The following ARSB variants were observed in gnomAD, a reference collection of about 807,000 sequenced individuals.
The protein encoded by ARSB is arylsulfatase B.
A neutral mutation model predicts 50.9 loss-of-function variants in ARSB; 41 were observed. That is an observed-to-expected ratio of 0.81 (90% CI 0.63 to 1.04). The LOEUF is 1.04. ARSB is among the 50% of genes least tolerant of loss of function. The probability of loss-of-function intolerance (pLI) is 0.00; values close to 1 mark genes in which losing one functional copy is unlikely to be tolerated. For synonymous variants in ARSB, 269 were observed against 284.8 expected (o/e 0.94, Z 0.56); for missense variants, 672 against 693.3 (o/e 0.97, Z 0.35).
chr5:78,964,994 G>A (rs1327840835), intron 2 of ARSB, among the ~76,000 whole-genome samples: 12 of 152,166 alleles, frequency 7.9e-5, no homozygotes, highest in Non-Finnish European at 1.5e-4. Context: ...ATAAATGAGT[G>A]CAGGATTCAA....
intron 5 of ARSB, among the ~76,000 whole-genome samples, chr5:78,869,955 G>A (rs1249191453): frequency 6.6e-6 from 1 of 150,966 alleles, no homozygotes. Flanking sequence ...GAATCAAATA[G>A]ACACAATAAA....
intron 6 of ARSB, among the ~76,000 whole-genome samples, chr5:78,831,955 G>GA (rs1403924701): frequency 6.6e-6 from 1 of 151,946 alleles, no homozygotes; most frequent in African/African-American, 2.4e-5. Context: ...GATTCTAATC[G>GA]AATCAGCTGA....
At chr5:78,917,409 A>C (rs1298924943) in intron 4 of ARSB, among the ~76,000 whole-genome samples, 2 of 152,162 alleles carry the variant, frequency 1.3e-5, no homozygotes, top group Non-Finnish European at 2.9e-5. Flanking sequence ...ATCTGATAGG[A>C]TACATGCCCA....
chr5:78,857,676 G>A (rs113367641), intron 5 of ARSB, among the ~76,000 whole-genome samples: 6,176 of 152,210 alleles, frequency 0.041, 176 homozygotes, highest in Non-Finnish European at 0.062. Flanking sequence ...GATTGCCACC[G>A]TACAATGTTT....
intron 5 of ARSB, among the ~76,000 whole-genome samples, chr5:78,844,446 T>C (rs1368099901): frequency 6.6e-6 from 1 of 152,200 alleles, no homozygotes; most frequent in Non-Finnish European, 1.5e-5. Context: ...TGCAAGTCCC[T>C]TATCTGATAC....
Position 78,971,882 on chromosome 5 carries a change from G to A in ARSB, c.313-2690C>T, listed in dbSNP as rs77970038. On this transcript the variant is annotated intron_variant, in intron 1 of 7. Coordinates refer to ENST00000264914, the MANE Select transcript of ARSB (RefSeq NM_000046.5). ...TTGAAGTGTGTACAGTTCATTGTAT[G>A]TCAATCATATCTCAATAAAACTGTT... 1.3e-3 allele frequency among the ~76,000 whole-genome samples: 201 copies of A among 152,322 alleles called. 4 individuals are homozygous for A. The East Asian group carries it at 0.029, about 22-fold the overall frequency.
At chr5:78,969,838 C>T (rs547170) in intron 1 of ARSB, among the ~76,000 whole-genome samples, 34,957 of 152,062 alleles carry the variant, frequency 0.23, 4,251 homozygotes, top group Admixed American at 0.3. Context: ...AGGCTGGTCT[C>T]GAACTCCTGA....
At chr5:78,940,785 A>C (rs1259387804) in intron 4 of ARSB, among the ~76,000 whole-genome samples, 1 of 152,150 alleles carries the variant, frequency 6.6e-6, no homozygotes, top group Non-Finnish European at 1.5e-5. Flanking sequence ...TTGGTTCCAT[A>C]TGAACTTTAA....
chr5:78,834,605 G>GTATATATATA (rs1339499167), intron 6 of ARSB, among the ~76,000 whole-genome samples: 1 of 65,262 alleles, frequency 1.5e-5, no homozygotes, highest in African/African-American at 6.0e-5. Flanking sequence ...GTATATATAT[G>GTATATATATA]TGTATATATA....
At chr5:78,947,791 C>CA (rs1384779816) in intron 4 of ARSB, among the ~76,000 whole-genome samples, 1 of 152,088 alleles carries the variant, frequency 6.6e-6, no homozygotes, top group Non-Finnish European at 1.5e-5. Flanking sequence ...AGTATATACC[C>CA]AAAAGAAAGA....
chr5:78,885,932 A>T (rs1748014632), intron 4 of ARSB, 105 bp from the exon 5 acceptor site: 5 of 1,565,044 alleles, frequency 3.2e-6, no homozygotes, highest in South Asian at 1.1e-5. Flanking sequence ...TAAATAATAA[A>T]AAAAAAGAAA....
chr5:78,908,716 C>T (rs1749174469), intron 4 of ARSB, among the ~76,000 whole-genome samples: 1 of 146,372 alleles, frequency 6.8e-6, no homozygotes, highest in Admixed American at 7.0e-5. Context: ...CATTTCTCTA[C>T]AACACTGGCC....
chr5:78,953,363 G>C (rs1240257773), intron 4 of ARSB, among the ~76,000 whole-genome samples: 2 of 152,214 alleles, frequency 1.3e-5, no homozygotes, highest in Non-Finnish European at 2.9e-5. Flanking sequence ...CCTGGGGCAA[G>C]TTACTTATGC....
rs931709744 is a variant in ARSB at position 78,905,490 on chromosome 5, A to G, written c.899-19663T>C. On this transcript the variant is annotated intron_variant, in intron 4 of 7. Transcript: ENST00000264914. ...GCAGAGAATCAACCTAGTGAGACTC[A>G]GACCACAAGTTTTGTCTCACCTTCT... 2.6e-5 allele frequency among the ~76,000 whole-genome samples: 4 copies of G among 152,186 alleles called. No homozygotes were observed. The East Asian group carries it at 7.7e-4, about 29-fold the overall frequency.
intron 6 of ARSB, among the ~76,000 whole-genome samples, chr5:78,794,081 A>C (rs1580974814): frequency 6.6e-6 from 1 of 152,278 alleles, no homozygotes; most frequent in East Asian, 1.9e-4. Flanking sequence ...TTGAGCATAA[A>C]CATTTCTTTA....
intron 5 of ARSB, among the ~76,000 whole-genome samples, chr5:78,851,645 A>T (rs1262415960): frequency 6.6e-6 from 1 of 152,062 alleles, no homozygotes; most frequent in African/African-American, 2.4e-5. Context: ...GATCTGTTTA[A>T]TGTTGATAGT....
At chr5:78,796,469 G>T (rs1580976866) in intron 6 of ARSB, among the ~76,000 whole-genome samples, 1 of 152,344 alleles carries the variant, frequency 6.6e-6, no homozygotes, top group Non-Finnish European at 1.5e-5. Context: ...AATGCAATAG[G>T]TAAAGAAAGA....
intron 6 of ARSB, among the ~76,000 whole-genome samples, chr5:78,820,138 G>C (rs1005297628): frequency 3.9e-5 from 6 of 152,118 alleles, no homozygotes; most frequent in Non-Finnish European, 1.5e-5. Flanking sequence ...GCAGCCACAG[G>C]GCACCATCTT....
chr5:78,912,118 C>A (rs1749338244), intron 4 of ARSB, among the ~76,000 whole-genome samples: 1 of 152,190 alleles, frequency 6.6e-6, no homozygotes, highest in Admixed American at 6.5e-5. Context: ...GAAACTACCT[C>A]TAATGTAAAC....
Sources: gnomAD v4.1 joint callset for allele counts (sites outside exome capture counted in the v4.1 genomes callset) on GRCh38, gnomAD v4.1.1 for gene constraint, MANE v1.5 for transcripts, NCBI Gene and HGNC (gene_info 2026-07-23, HGNC 2026-07-21) for gene names.